RPAP2: variants seen among roughly 807,000 people sequenced by gnomAD.
The protein encoded by RPAP2 is RNA polymerase II associated protein 2.
RPAP2 carries 52 observed loss-of-function variants against 73.1 expected under a neutral mutation model. That is an observed-to-expected ratio of 0.71 (90% CI 0.57 to 0.90). RPAP2 has a LOEUF of 0.90. Ranked by LOEUF, RPAP2 falls within the 40% of genes least tolerant of loss-of-function variation. The pLI, the probability that RPAP2 is intolerant of heterozygous loss-of-function variation, is 0.00. For missense variants in RPAP2, 598 were observed against 701.8 expected (o/e 0.85, Z 1.67); for synonymous variants, 225 against 242.1 (o/e 0.93, Z 0.65).
intron 8 of RPAP2, among the ~76,000 whole-genome samples, chr1:92,330,125 T>C (rs540105065): frequency 3.9e-5 from 6 of 152,172 alleles, no homozygotes; most frequent in Non-Finnish European, 7.4e-5. Flanking sequence ...TTATTCTTCA[T>C]TGGCAAAACT....
chr1:92,385,107 G>A (rs1183659895), intron 12 of RPAP2, among the ~76,000 whole-genome samples: 4 of 151,162 alleles, frequency 2.6e-5, no homozygotes, highest in South Asian at 2.1e-4. Flanking sequence ...CCAGGAGGTC[G>A]AGGCTGCAGT....
At position 92,398,916 on chromosome 1, in the gene RPAP2, A is replaced by T. The variant is rs1442007808; in HGVS notation, c.*11905A>T. The T allele has an allele frequency of 6.6e-6, 1 of 152,242 alleles. No homozygotes were observed. Among genetic ancestry groups the T allele is most frequent in the Admixed American group, 6.5e-5 (1 of 15,280 alleles). The allele number at this position is 152,242 out of a possible 1,614,324, so 9.4% of individuals were successfully genotyped here. ...CATGTGTCCTTTTCCAAATTAAACT[A>T]GCAAAATATGAACTTTTGTAAAAGG... On this transcript the variant is annotated 3_prime_UTR_variant, in exon 13 of 13. Coordinates refer to ENST00000610020, the MANE Select transcript of RPAP2 (RefSeq NM_024813.3).
intron 10 of RPAP2, among the ~76,000 whole-genome samples, chr1:92,337,667 A>G (rs1571083852): frequency 6.6e-6 from 1 of 152,204 alleles, no homozygotes; most frequent in Admixed American, 6.5e-5. Context: ...GTTTTCTCTA[A>G]GTTTTATCTT....
At position 92,371,319 on chromosome 1, in the gene RPAP2, AAT is replaced by A. The variant is rs1553155688; in HGVS notation, c.1689-9387_1689-9386del. ...GTCTCTGTCTCAAAAAAAAAAAAAAAATATATATATATATATATACCTACAGT... is the reference window on the plus strand; with the variant it reads ...GTCTCTGTCTCAAAAAAAAAAAAAAAATATATATATATATATACCTACAGT... On this transcript the variant is annotated intron_variant, in intron 11 of 12. Coordinates refer to ENST00000610020, the MANE Select transcript of RPAP2 (RefSeq NM_024813.3). Among the ~76,000 whole-genome samples, 141 of 61,694 alleles carry A rather than the reference AAT, an allele frequency of 2.3e-3. 1 individual carries two copies. The highest frequency in any genetic ancestry group is 0.016 in the Middle Eastern group (2 of 124). The allele number at this position is 61,694 out of a possible 152,430, so 40.5% of individuals were successfully genotyped here.
intron 11 of RPAP2, among the ~76,000 whole-genome samples, chr1:92,371,319 A>AATATATATATATATATATATAT (rs1553155688): frequency 1.6e-5 from 1 of 61,728 alleles, no homozygotes; most frequent in African/African-American, 7.2e-5. Flanking sequence ...AAAAAAAAAA[A>AATATATATATATATATATATAT]ATATATATAT....
Position 92,304,332 on chromosome 1 carries a change from G to A in RPAP2, c.382G>A (p.Asp128Asn). Residue 128 changes from aspartate (D) to asparagine (N), a missense_variant, in exon 5 of 13, where the codon GAT (aspartate) becomes AAT (asparagine). Transcript: ENST00000610020. ...KISTKTNKVYDITERKSFCSN... is the reference protein window; with the variant it reads ...KISTKTNKVYNITERKSFCSN... ...TTCTACCAAAACCAATAAAGTCTAT[G>A]ATATTACTGAAAGAAAGGTGAGTTT... The A allele has an allele frequency of 6.6e-7, 1 of 1,521,280 alleles. No individual in the cohort carries two copies. Among genetic ancestry groups the A allele is most frequent in the Middle Eastern group, 1.7e-4 (1 of 5,876 alleles). 94.2% of individuals were successfully genotyped at this position (1,521,280 alleles called of 1,614,324 possible).
intron 10 of RPAP2, 91 bp downstream of exon 10, chr1:92,336,518 T>A: frequency 1.2e-6 from 1 of 829,746 alleles, no homozygotes; most frequent in Non-Finnish European, 2.0e-6. Flanking sequence ...AGTAAGTGAC[T>A]TACCTTTCAA....
intron 8 of RPAP2, among the ~76,000 whole-genome samples, chr1:92,332,881 G>A (rs1410078024): frequency 1.3e-5 from 2 of 152,022 alleles, no homozygotes; most frequent in Admixed American, 6.6e-5. Flanking sequence ...TTATAGCCTC[G>A]TTAGCTCTCT....
In RPAP2 at chr1:92,387,094, CT is replaced by C. The variant is rs1655896463; in HGVS notation, c.*84del. On this transcript the variant is annotated 3_prime_UTR_variant, in exon 13 of 13. Coordinates refer to ENST00000610020, the MANE Select transcript of RPAP2 (RefSeq NM_024813.3). Reference sequence around the variant, plus strand: ...AGCCGCCATGATGGTCTGGTGGTGACTGATAACTAGTTTTATTCCAAGACAT... The same window carrying C: ...AGCCGCCATGATGGTCTGGTGGTGACGATAACTAGTTTTATTCCAAGACAT... 8.8e-6 allele frequency: 12 copies of C among 1,365,506 alleles called. No homozygotes were observed. The highest frequency in any genetic ancestry group is 1.2e-5 in the Non-Finnish European group (12 of 991,648). 84.6% of individuals were successfully genotyped at this position (1,365,506 alleles called of 1,614,324 possible). A position where few individuals can be genotyped will look rare whatever the true frequency, so the allele number is the denominator to read the frequency against.
chr1:92,300,227 A>T lies in RPAP2; in HGVS notation c.107A>T (p.Asp36Val), dbSNP rs780324628. Reference sequence around the variant, plus strand: ...CAGACAAGTACTTTGAAACAAGAAGATGCTTCTAAAAGGTATGACAGCTAC... The same window carrying T: ...CAGACAAGTACTTTGAAACAAGAAGTTGCTTCTAAAAGGTATGACAGCTAC... Reference protein sequence around the residue: ...TKQTSTLKQEDASKRKAELEA... With the variant: ...TKQTSTLKQEVASKRKAELEA... Residue 36 changes from aspartate to valine, a missense_variant, in exon 2 of 13, where the codon GAT (aspartate) becomes GTT (valine). Asp to Val is a radical substitution (Grantham distance 152). Coordinates refer to ENST00000610020, the MANE Select transcript of RPAP2 (RefSeq NM_024813.3). 1 of 1,609,644 alleles carries T rather than the reference A, an allele frequency of 6.2e-7. No homozygotes were observed. Among genetic ancestry groups the T allele is most frequent in the South Asian group, 1.1e-5 (1 of 90,944 alleles).
rs1017149896 is a variant in RPAP2 at position 92,401,981 on chromosome 1, G to T, written c.*14970G>T. 1 of 152,154 alleles carries T rather than the reference G, an allele frequency of 6.6e-6. No individual in the cohort carries two copies. The highest frequency in any genetic ancestry group is 2.4e-5 in the African/African-American group (1 of 41,442). 9.4% of individuals were successfully genotyped at this position (152,154 alleles called of 1,614,324 possible). A position where few individuals can be genotyped will look rare whatever the true frequency, so the allele number is the denominator to read the frequency against. ...GCCTATGTTTGAAGGATATTGGTTT[G>T]TAATTTTTCTTGTAACATCTTTGTC... is the stretch of plus-strand genomic sequence containing the variant. On this transcript the variant is annotated 3_prime_UTR_variant, in exon 13 of 13. Coordinates refer to ENST00000610020, the MANE Select transcript of RPAP2 (RefSeq NM_024813.3).
chr1:92,314,333 T>C (rs1475422066), intron 6 of RPAP2, among the ~76,000 whole-genome samples: 2 of 150,564 alleles, frequency 1.3e-5, no homozygotes, highest in African/African-American at 2.5e-5. Flanking sequence ...GCTGTTGCTG[T>C]TGTTTTTTGG....
chr1:92,376,532 G>C (rs1655394217), intron 11 of RPAP2, among the ~76,000 whole-genome samples: 1 of 152,138 alleles, frequency 6.6e-6, no homozygotes, highest in Non-Finnish European at 1.5e-5. Context: ...CTATCTATTT[G>C]TTTGATGACT....
At chr1:92,303,576 G>T (rs1651012447) in intron 3 of RPAP2, among the ~76,000 whole-genome samples, 1 of 151,834 alleles carries the variant, frequency 6.6e-6, no homozygotes, top group Admixed American at 6.6e-5. Context: ...TTAAAAAATA[G>T]GTAAAATTAT....
chr1:92,367,185 G>T (rs1254557548), intron 11 of RPAP2, among the ~76,000 whole-genome samples: 1 of 152,172 alleles, frequency 6.6e-6, no homozygotes, highest in Non-Finnish European at 1.5e-5. Context: ...GAAAGTGACT[G>T]GATAGGTTGC....
chr1:92,373,504 G>A (rs535126965), intron 11 of RPAP2, among the ~76,000 whole-genome samples: 1 of 151,928 alleles, frequency 6.6e-6, no homozygotes, highest in African/African-American at 2.4e-5. Flanking sequence ...AGAGCTAAAC[G>A]GTTCCTTTAG....
At chr1:92,333,586 GA>G in intron 9 of RPAP2, 113 bp downstream of exon 9, 3 of 755,060 alleles carry the variant, frequency 4.0e-6, no homozygotes, top group Middle Eastern at 3.1e-4. Flanking sequence ...AAAATAATGT[GA>G]AAAGTTCACA....
chr1:92,305,138 A>G (rs1473740159), intron 5 of RPAP2, among the ~76,000 whole-genome samples: 1 of 151,670 alleles, frequency 6.6e-6, no homozygotes, highest in Admixed American at 6.6e-5. Flanking sequence ...CTGTCTTCAA[A>G]AAAAAGACAA....
At chr1:92,365,717 T>G (rs1377283650) in intron 11 of RPAP2, among the ~76,000 whole-genome samples, 1 of 152,238 alleles carries the variant, frequency 6.6e-6, no homozygotes, top group East Asian at 1.9e-4. Flanking sequence ...TTTGTACGTT[T>G]TATTTGGTTA....
Sources: allele counts gnomAD v4.1 joint callset (sites outside exome capture counted in the v4.1 genomes callset), GRCh38; gene constraint gnomAD v4.1.1; transcripts MANE v1.5; gene names NCBI Gene and HGNC (gene_info 2026-07-23, HGNC 2026-07-21).